The following PLXNA4 variants were observed in gnomAD, a reference collection of about 807,000 sequenced individuals.
PLXNA4 encodes plexin-A4.
In PLXNA4, 44 loss-of-function variants were observed where a neutral mutation model predicts 191.8. The observed-to-expected ratio is 0.23, with a 90% CI of 0.18 to 0.29. The LOEUF is 0.29. PLXNA4 is among the 10% of genes least tolerant of loss of function. PLXNA4 has a pLI of 1.00. For synonymous variants in PLXNA4, 1,082 were observed against 1,009.5 expected, an observed-to-expected ratio of 1.07 and a Z score of -1.36; for missense variants, 1,800 against 2,488.8, an observed-to-expected ratio of 0.72 and a Z score of 5.89.
chr7:132,309,340 C>A (rs1445540733), intron 3 of PLXNA4, among the ~76,000 whole-genome samples: 2 of 152,092 alleles, frequency 1.3e-5, no homozygotes, highest in Non-Finnish European at 2.9e-5. Flanking sequence ...GTGGGGCTGG[C>A]AGGATGCTGG....
intron 1 of PLXNA4, among the ~76,000 whole-genome samples, chr7:132,568,989 G>A (rs930674366): frequency 6.6e-6 from 1 of 152,224 alleles, no homozygotes; most frequent in African/African-American, 2.4e-5. Flanking sequence ...TGCAGGGAGA[G>A]CCAAGGAAGC....
intron 2 of PLXNA4, among the ~76,000 whole-genome samples, chr7:132,629,111 T>C (rs185623406): frequency 3.2e-4 from 49 of 152,350 alleles, no homozygotes; most frequent in African/African-American, 1.1e-3. Context: ...GTAATACCTT[T>C]AGATCTTTTC....
At chr7:132,243,933 C>T (rs1183208766) in intron 4 of PLXNA4, among the ~76,000 whole-genome samples, 1 of 151,996 alleles carries the variant, frequency 6.6e-6, no homozygotes, top group East Asian at 1.9e-4. Flanking sequence ...AGTGTCATTT[C>T]CTCCTTGAGC....
In PLXNA4 at chr7:132,635,800, T is replaced by C. The variant is rs10225536; in HGVS notation, c.-87+10128A>G. ...ATTTTCCAACTAACTCCGGAAGATGTAAAATCACACAACAGCAACAGCATC... is the reference window on the plus strand; with the variant it reads ...ATTTTCCAACTAACTCCGGAAGATGCAAAATCACACAACAGCAACAGCATC... On this transcript the variant is annotated intron_variant, in intron 2 of 4. Coordinates refer to the PLXNA4 transcript ENST00000378539. Among the ~76,000 whole-genome samples the C allele has an allele frequency of 9.8e-4, 148 of 151,718 alleles. 2 individuals carry two copies. The highest frequency in any genetic ancestry group is 3.3e-3 in the African/African-American group (137 of 41,404).
At chr7:132,206,105 C>T (rs116987055) in intron 10 of PLXNA4, among the ~76,000 whole-genome samples, 1,902 of 152,266 alleles carry the variant, frequency 0.012, 25 homozygotes, top group Non-Finnish European at 0.018. Context: ...CAGTGACCAG[C>T]TGTGTGAAAT....
Position 132,271,431 on chromosome 7 carries a change from GA to G in PLXNA4, c.1503+26659del, listed in dbSNP as rs5887561. Among the ~76,000 whole-genome samples, 316 of 128,472 alleles carry G rather than the reference GA, an allele frequency of 2.5e-3. 1 individual carries two copies. Among genetic ancestry groups the G allele is most frequent in the Middle Eastern group, 4.2e-3 (1 of 236 alleles). 84.3% of individuals were successfully genotyped at this position (128,472 alleles called of 152,430 possible). On this transcript the variant is annotated intron_variant, in intron 4 of 31. Transcript: ENST00000321063. ...GAAACAAGGAACTTTAGTCACTTAG[GA>G]AAAAAAAAAAAAAAAGAAACATACC... is the stretch of plus-strand genomic sequence containing the variant.
chr7:132,231,991 T>C (rs1798539848), intron 5 of PLXNA4, among the ~76,000 whole-genome samples: 1 of 152,164 alleles, frequency 6.6e-6, no homozygotes, highest in Non-Finnish European at 1.5e-5. Flanking sequence ...CCAGGATTCA[T>C]GAGGGTGGAG....
At chr7:132,250,238 C>T (rs746685932) in intron 4 of PLXNA4, among the ~76,000 whole-genome samples, 6 of 152,180 alleles carry the variant, frequency 3.9e-5, no homozygotes, top group Non-Finnish European at 8.8e-5. Context: ...TTGTTCCAGC[C>T]TCTGCCTCCG....
intron 3 of PLXNA4, among the ~76,000 whole-genome samples, chr7:132,341,420 T>C (rs531649060): frequency 6.6e-6 from 1 of 152,366 alleles, no homozygotes; most frequent in African/African-American, 2.4e-5. Flanking sequence ...GATGTTAGAT[T>C]GTGAGGGAAA....
rs114995663 is a variant in PLXNA4 at position 132,138,568 on chromosome 7, C to T, written c.5438+2031G>A. Among the ~76,000 whole-genome samples, 417 of 152,290 alleles carry T rather than the reference C, an allele frequency of 2.7e-3. 7 individuals carry two copies. Among genetic ancestry groups the T allele is most frequent in the African/African-American group, 9.5e-3 (395 of 41,548 alleles). On this transcript the variant is annotated intron_variant, in intron 30 of 31. Transcript: ENST00000321063. ...CTCAGCCCTGTCTGTGCTGTTTTCT[C>T]GATCTATCTGTCTTTGTACCCCGGT...
intron 1 of PLXNA4, among the ~76,000 whole-genome samples, chr7:132,540,743 GCGCCCGGC>G (rs1800042897): frequency 6.7e-6 from 1 of 149,482 alleles, no homozygotes; most frequent in African/African-American, 2.5e-5. Flanking sequence ...GCCCGCCACC[GCGCCCGGC>G]TAATTTTTTG....
intron 4 of PLXNA4, among the ~76,000 whole-genome samples, chr7:132,260,975 C>A (rs940908356): frequency 6.6e-6 from 1 of 152,088 alleles, no homozygotes; most frequent in African/African-American, 2.4e-5. Flanking sequence ...TGGGAGGAGG[C>A]AGGGGGTTTA....
chr7:132,647,362 TACAC>T (rs1447055430), intron 1 of PLXNA4, among the ~76,000 whole-genome samples: 6 of 145,674 alleles, frequency 4.1e-5, no homozygotes, highest in African/African-American at 7.7e-5. Flanking sequence ...TACACTGACA[TACAC>T]ACACACATGC....
intron 4 of PLXNA4, among the ~76,000 whole-genome samples, chr7:132,249,492 G>T (rs1799171713): frequency 1.3e-5 from 2 of 152,198 alleles, no homozygotes; most frequent in South Asian, 4.1e-4. Context: ...CGTGCTTTCT[G>T]CAGAGCGTCG....
At chr7:132,624,139 G>T (rs992895096) in intron 2 of PLXNA4, among the ~76,000 whole-genome samples, 1 of 152,166 alleles carries the variant, frequency 6.6e-6, no homozygotes, top group Admixed American at 6.5e-5. Flanking sequence ...GAGATTTGGT[G>T]ACATGCTCAG....
At chr7:132,437,580 A>C (rs919586388) in intron 3 of PLXNA4, among the ~76,000 whole-genome samples, 1 of 151,718 alleles carries the variant, frequency 6.6e-6, no homozygotes, top group African/African-American at 2.4e-5. Flanking sequence ...AAAAAAAAAA[A>C]AAAAACAGAA....
intron 3 of PLXNA4, among the ~76,000 whole-genome samples, chr7:132,436,775 A>G (rs995800237): frequency 3.3e-5 from 5 of 152,188 alleles, no homozygotes; most frequent in African/African-American, 1.2e-4. Context: ...AAGCTGAAAG[A>G]TGTTTGCCGC....
chr7:132,582,316 C>T (rs1340847129), intron 2 of PLXNA4, among the ~76,000 whole-genome samples: 1 of 152,132 alleles, frequency 6.6e-6, no homozygotes, highest in African/African-American at 2.4e-5. Context: ...AATGCTCTTG[C>T]CTGGTAACAC....
At chr7:132,563,308 CCTT>C (rs1448378753) in intron 1 of PLXNA4, among the ~76,000 whole-genome samples, 2 of 120,698 alleles carry the variant, frequency 1.7e-5, no homozygotes, top group Admixed American at 8.0e-5. Flanking sequence ...TCTTCCTCCT[CCTT>C]CTCTTCCTCC....
Sources: gnomAD v4.1 joint callset for allele counts (sites outside exome capture counted in the v4.1 genomes callset) on GRCh38, gnomAD v4.1.1 for gene constraint, MANE v1.5 for transcripts, NCBI Gene and HGNC (gene_info 2026-07-23, HGNC 2026-07-21) for gene names.